The following RBM6 variants were observed in gnomAD, a reference collection of about 807,000 sequenced individuals.
The protein encoded by RBM6 is RNA-binding protein 6.
A neutral mutation model predicts 140.4 loss-of-function variants in RBM6; 23 were observed. That is an observed-to-expected ratio of 0.16 (90% CI 0.12 to 0.23). RBM6 has a LOEUF of 0.23. Among genes scored for constraint, RBM6 ranks in the 10% least tolerant of loss-of-function variants. The pLI, the probability that RBM6 is intolerant of heterozygous loss-of-function variation, is 1.00. For synonymous variants in RBM6, 439 were observed against 475.6 expected, an observed-to-expected ratio of 0.92 and a Z score of 1.00; for missense variants, 1,139 against 1,386.7, an observed-to-expected ratio of 0.82 and a Z score of 2.84.
chr3:50,046,704 T>C (rs1340361410), intron 6 of RBM6, among the ~76,000 whole-genome samples: 2 of 152,106 alleles, frequency 1.3e-5, no homozygotes, highest in Admixed American at 6.5e-5. Context: ...TCTTTTCTGA[T>C]TGGTCCCTAA....
chr3:49,961,530 G>T (rs1460311745), intron 1 of RBM6, among the ~76,000 whole-genome samples: 1 of 151,956 alleles, frequency 6.6e-6, no homozygotes, highest in African/African-American at 2.4e-5. Context: ...GCCGGGCACG[G>T]TGGCTCACGC....
chr3:50,027,057 A>G (rs916008951), intron 6 of RBM6, among the ~76,000 whole-genome samples: 3 of 152,086 alleles, frequency 2.0e-5, no homozygotes, highest in Non-Finnish European at 2.9e-5. Context: ...GAGTCCTCCA[A>G]TTTTCCATTA....
intron 5 of RBM6, among the ~76,000 whole-genome samples, chr3:49,997,200 A>G (rs1463942223): frequency 1.3e-5 from 2 of 151,984 alleles, no homozygotes; most frequent in African/African-American, 4.8e-5. Context: ...GTATAGTTAA[A>G]CCTTAAATTT....
At chr3:50,040,653 C>G (rs964975858) in intron 6 of RBM6, among the ~76,000 whole-genome samples, 1 of 149,216 alleles carries the variant, frequency 6.7e-6, no homozygotes, top group East Asian at 1.9e-4. Context: ...GTTCCCAGAG[C>G]AGAATTCTTT....
intron 1 of RBM6, among the ~76,000 whole-genome samples, chr3:49,959,201 T>G (rs1449891176): frequency 6.8e-6 from 1 of 147,412 alleles, no homozygotes; most frequent in Non-Finnish European, 1.5e-5. Context: ...TTTTTTTTTT[T>G]TTTTTGAGAT....
chr3:50,023,222 TTTC>T (rs775179022), intron 6 of RBM6, among the ~76,000 whole-genome samples: 24 of 152,148 alleles, frequency 1.6e-4, no homozygotes, highest in Non-Finnish European at 2.8e-4. Context: ...CTCCTCCTGC[TTTC>T]TTCTTCTTCT....
chr3:50,044,180 T>TA (rs2089098705), intron 6 of RBM6, among the ~76,000 whole-genome samples: 1 of 152,014 alleles, frequency 6.6e-6, no homozygotes. Flanking sequence ...GCCTGGCCTA[T>TA]ATGGTACCTC....
intron 5 of RBM6, among the ~76,000 whole-genome samples, chr3:49,997,301 A>G (rs549437352): frequency 1.3e-5 from 2 of 152,272 alleles, no homozygotes; most frequent in Admixed American, 6.5e-5. Flanking sequence ...TGTTGTCAAC[A>G]TATAGTATTG....
intron 6 of RBM6, among the ~76,000 whole-genome samples, chr3:50,008,980 A>G (rs1489302182): frequency 6.6e-6 from 1 of 152,242 alleles, no homozygotes; most frequent in Non-Finnish European, 1.5e-5. Flanking sequence ...GATAACTGGC[A>G]TGTGGTAAGT....
chr3:50,018,589 T>G lies in RBM6; in HGVS notation c.1557+19076T>G, dbSNP rs868818071. Among the ~76,000 whole-genome samples, 326 of 128,048 alleles carry G rather than the reference T, an allele frequency of 2.5e-3. 2 individuals carry two copies. The highest frequency in any genetic ancestry group is 9.1e-3 in the African/African-American group (299 of 32,992). 84.0% of individuals were successfully genotyped at this position (128,048 alleles called of 152,430 possible). ...TCGTATGGTAGGAGTGTGTTTTTTTTTTTTTTTTTTTTTTTTTTTTTTGAC... is the reference window on the plus strand; with the variant it reads ...TCGTATGGTAGGAGTGTGTTTTTTTGTTTTTTTTTTTTTTTTTTTTTTGAC... On this transcript the variant is annotated intron_variant, in intron 6 of 20. Transcript: ENST00000266022.
intron 6 of RBM6, among the ~76,000 whole-genome samples, chr3:50,019,739 T>G (rs1402129971): frequency 6.6e-6 from 1 of 152,132 alleles, no homozygotes; most frequent in Non-Finnish European, 1.5e-5. Context: ...ATAAGTGTGA[T>G]GTTAGCTATA....
chr3:50,057,160 C>T (rs1036349279), intron 8 of RBM6, among the ~76,000 whole-genome samples: 19 of 152,180 alleles, frequency 1.2e-4, no homozygotes, highest in African/African-American at 4.3e-4. Context: ...ATAGAGATTT[C>T]ATAAGATTAC....
At chr3:49,975,628 T>C (rs1372980605) in intron 5 of RBM6, among the ~76,000 whole-genome samples, 4 of 152,342 alleles carry the variant, frequency 2.6e-5, no homozygotes, top group Non-Finnish European at 2.9e-5. Context: ...CTGTGATATA[T>C]AGAGTGTTGC....
rs928693082 is a variant in RBM6, at chr3:49,967,262, C to G, written c.45-208C>G. On this transcript the variant is annotated intron_variant, in intron 2 of 20. Coordinates refer to ENST00000266022, the MANE Select transcript of RBM6 (RefSeq NM_005777.3). This position sits in a 1 kb window ranked among gnomAD's most constrained non-coding sequence, Gnocchi z 4.0. The stretch of plus-strand genomic sequence containing the variant: ...ACCTTGTGTTGACTTTCCTCGTGTT[C>G]TGAAATGGGAGCATAAAAGTTTACT... The G allele has an allele frequency of 4.5e-6, 6 of 1,342,158 alleles. No individual in the cohort carries two copies. The African/African-American group carries it at 8.8e-5, about 20-fold the overall frequency. The allele number at this position is 1,342,158 out of a possible 1,614,324, so 83.1% of individuals were successfully genotyped here.
At chr3:49,963,939 T>TCA (rs1188567315) in intron 2 of RBM6, among the ~76,000 whole-genome samples, 7 of 152,110 alleles carry the variant, frequency 4.6e-5, no homozygotes, top group Non-Finnish European at 7.4e-5. Flanking sequence ...CTCACTCTGT[T>TCA]GCCCATGCTG....
At chr3:49,950,311 TG>T (rs1371070921) in intron 1 of RBM6, among the ~76,000 whole-genome samples, 3 of 152,124 alleles carry the variant, frequency 2.0e-5, no homozygotes, top group African/African-American at 7.2e-5. Context: ...ATAAGACCCC[TG>T]GTTCTGTTTC....
chr3:50,027,621 T>C (rs1414661653), intron 6 of RBM6, among the ~76,000 whole-genome samples: 1 of 152,232 alleles, frequency 6.6e-6, no homozygotes, highest in East Asian at 1.9e-4. Flanking sequence ...CTGGCTTCTT[T>C]TACTTAGCCT....
chr3:49,967,520 C>G lies in RBM6; in HGVS notation c.95C>G (p.Pro32Arg). 5.0e-6 allele frequency: 8 copies of G among 1,614,122 alleles called. No homozygotes were observed. Among genetic ancestry groups the G allele is most frequent in the Non-Finnish European group, 5.9e-6 (7 of 1,180,024 alleles). ...CCCGGGTGGAACAGGGATTATCCTC[C>G]TCCTCCCCTTAAGAGTCATGCTCAA... ...FAPGWNRDYP[P>R]PPLKSHAQER... The change falls in exon 3 of 21, where the codon CCT becomes CGT. Residue 32 changes from proline (P) to arginine (R), a missense_variant. By Grantham distance (103) the Pro-to-Arg change is moderately radical. Around this residue, in one of 9 missense-constraint regions of RBM6, gnomAD observed 566 missense variants for 612.7 expected, o/e 0.92. Coordinates refer to ENST00000266022, the MANE Select transcript of RBM6 (RefSeq NM_005777.3). The surrounding 1 kb of genome is among the most constrained non-coding windows in gnomAD (Gnocchi z 4.0).
chr3:50,054,538 C>T, intron 8 of RBM6, 143 bp downstream of exon 8: 1 of 737,236 alleles, frequency 1.4e-6, no homozygotes, highest in Admixed American at 2.4e-5. Context: ...TGGAGTCTCG[C>T]TGTGTTGCCC....
Sources: gnomAD v4.1 joint callset for allele counts (sites outside exome capture counted in the v4.1 genomes callset) on GRCh38, gnomAD v4.1.1 for gene constraint, gnomAD v4.1.1 regional missense constraint, Gnocchi (gnomAD v3.1) non-coding constraint, MANE v1.5 for transcripts, NCBI Gene and HGNC (gene_info 2026-07-23, HGNC 2026-07-21) for gene names.